Variants in TENM2 observed in about 807,000 individuals in gnomAD.
The protein encoded by TENM2 is teneurin transmembrane protein 2.
In TENM2, 52 loss-of-function variants were observed where a neutral mutation model predicts 245.2. The observed-to-expected ratio is 0.21, with a 90% CI of 0.17 to 0.27. The LOEUF is 0.27. Among genes scored for constraint, TENM2 ranks in the 10% least tolerant of loss-of-function variants. The pLI, the probability that TENM2 is intolerant of heterozygous loss-of-function variation, is 1.00. For missense variants in TENM2, 3,046 were observed against 3,666.8 expected (o/e 0.83, Z 4.37); for synonymous variants, 1,363 against 1,438.9 (o/e 0.95, Z 1.19).
intron 4 of TENM2, among the ~76,000 whole-genome samples, chr5:167,964,914 AAAT>A (rs1220048341): frequency 2.0e-5 from 3 of 152,198 alleles, no homozygotes; most frequent in Admixed American, 6.5e-5. Context: ...CAGGAGAGCA[AAAT>A]AATAAGATAC....
intron 2 of TENM2, among the ~76,000 whole-genome samples, chr5:167,674,623 G>T (rs951808757): frequency 1.3e-5 from 2 of 152,000 alleles, no homozygotes; most frequent in African/African-American, 4.8e-5. Flanking sequence ...TATCATCTCC[G>T]TGTGTCTCAA....
intron 2 of TENM2, among the ~76,000 whole-genome samples, chr5:167,651,828 C>T (rs1288390020): frequency 6.6e-6 from 1 of 152,130 alleles, no homozygotes; most frequent in Non-Finnish European, 1.5e-5. Context: ...CAAGTTCTTA[C>T]CTATCACATG....
intron 2 of TENM2, among the ~76,000 whole-genome samples, chr5:167,473,741 A>C (rs777126743): frequency 6.6e-6 from 1 of 151,826 alleles, no homozygotes; most frequent in Non-Finnish European, 1.5e-5. Flanking sequence ...CTAGTTACTA[A>C]TTGTGTGATA....
At chr5:167,804,116 G>A (rs369409837) in intron 2 of TENM2, among the ~76,000 whole-genome samples, 4 of 151,952 alleles carry the variant, frequency 2.6e-5, no homozygotes, top group African/African-American at 7.3e-5. Flanking sequence ...TATGAAATTC[G>A]AAGCATTTCT....
chr5:167,216,383 C>T, the TENM2 span, among the ~76,000 whole-genome samples: 4 of 152,212 alleles, frequency 2.6e-5, no homozygotes, highest in Admixed American at 2.0e-4. Flanking sequence ...GTCCAGATTG[C>T]TGTGTGCCCT....
At chr5:167,080,800 C>G in the TENM2 span, among the ~76,000 whole-genome samples, 1 of 151,912 alleles carries the variant, frequency 6.6e-6, no homozygotes, top group South Asian at 2.1e-4. Context: ...ATAAAAATAC[C>G]TTTCCATATT....
chr5:167,150,220 C>A, the TENM2 span, among the ~76,000 whole-genome samples: 1 of 152,172 alleles, frequency 6.6e-6, no homozygotes, highest in African/African-American at 2.4e-5. Flanking sequence ...TCTATTCCCC[C>A]TTTCCTTTCA....
intron 2 of TENM2, among the ~76,000 whole-genome samples, chr5:167,546,538 A>G (rs1772571778): frequency 6.6e-6 from 1 of 152,168 alleles, no homozygotes; most frequent in Non-Finnish European, 1.5e-5. Context: ...TCACTGCTGA[A>G]CTGAACATTA....
chr5:167,615,854 C>A (rs1231987138), intron 2 of TENM2, among the ~76,000 whole-genome samples: 1 of 152,078 alleles, frequency 6.6e-6, no homozygotes, highest in Non-Finnish European at 1.5e-5. Context: ...CTCTGTTAAT[C>A]CATTTCTACT....
chr5:167,222,173 A>G, the TENM2 span, among the ~76,000 whole-genome samples: 1 of 152,114 alleles, frequency 6.6e-6, no homozygotes, highest in African/African-American at 2.4e-5. Flanking sequence ...CTTAATTTAG[A>G]TTTGTATTTG....
chr5:167,342,752 C>T (rs1278339718), intron 1 of TENM2, among the ~76,000 whole-genome samples: 1 of 151,794 alleles, frequency 6.6e-6, no homozygotes, highest in African/African-American at 2.4e-5. Flanking sequence ...TGGTCTCGAT[C>T]TCCTGACCTC....
chr5:167,926,058 C>T (rs187065918), intron 3 of TENM2, among the ~76,000 whole-genome samples: 2 of 152,184 alleles, frequency 1.3e-5, no homozygotes, highest in Non-Finnish European at 1.5e-5. Context: ...TCCCAAGACA[C>T]GTGTTTACCT....
At chr5:168,043,189 C>G (rs1788345087) in intron 5 of TENM2, among the ~76,000 whole-genome samples, 1 of 151,984 alleles carries the variant, frequency 6.6e-6, no homozygotes, top group African/African-American at 2.4e-5. Context: ...TATTTGAAAT[C>G]TTGAGATGAA....
intron 2 of TENM2, among the ~76,000 whole-genome samples, chr5:167,433,388 C>T (rs1057016996): frequency 4.6e-5 from 7 of 152,046 alleles, no homozygotes; most frequent in African/African-American, 1.7e-4. Context: ...AAATTAATTT[C>T]AGAACTTAGA....
intron 1 of TENM2, among the ~76,000 whole-genome samples, chr5:167,337,056 G>GA (rs1050975741): frequency 1.5e-5 from 2 of 136,594 alleles, no homozygotes; most frequent in Non-Finnish European, 3.1e-5. Context: ...AGCGGAGCTT[G>GA]CAGTGAGCCG....
At chr5:168,028,704 A>C (rs1786835125) in intron 5 of TENM2, among the ~76,000 whole-genome samples, 1 of 151,612 alleles carries the variant, frequency 6.6e-6, no homozygotes. Context: ...TGGCAAGTTT[A>C]CTTGGTGGCT....
intron 9 of TENM2, 30 bp from the exon 12 acceptor site, chr5:168,118,262 G>A (rs776049012): frequency 1.4e-6 from 2 of 1,473,422 alleles, no homozygotes; most frequent in Non-Finnish European, 1.8e-6. Flanking sequence ...GGCCCTTCGT[G>A]ACCTAGTGCT....
chr5:167,052,520 G>A, the TENM2 span, among the ~76,000 whole-genome samples: 2 of 152,140 alleles, frequency 1.3e-5, no homozygotes, highest in East Asian at 3.9e-4. Context: ...GAGCATTGTA[G>A]TATATGATAC....
At chr5:166,979,194 C>CCACCAGCAG in the TENM2 span, among the ~76,000 whole-genome samples, 516 of 142,126 alleles carry the variant, frequency 3.6e-3, 4 homozygotes, top group African/African-American at 0.012. Context: ...AGCACCACCA[C>CCACCAGCAG]CAGCAGCAGC....
Sources: gnomAD v4.1 joint callset for allele counts (sites outside exome capture counted in the v4.1 genomes callset) on GRCh38, gnomAD v4.1.1 for gene constraint, MANE v1.5 for transcripts, NCBI Gene and HGNC (gene_info 2026-07-23, HGNC 2026-07-21) for gene names.